Variants in ACSL3 observed in about 807,000 individuals in gnomAD.
The protein encoded by ACSL3 is acyl-CoA synthetase long chain family member 3.
A neutral mutation model predicts 84.7 loss-of-function variants in ACSL3; 34 were observed. The observed-to-expected ratio is 0.40, with a 90% CI of 0.31 to 0.53. ACSL3 has a LOEUF of 0.53. ACSL3 is among the 20% of genes least tolerant of loss of function. The probability of loss-of-function intolerance (pLI) is 0.48; values close to 1 mark genes in which losing one functional copy is unlikely to be tolerated. For synonymous variants in ACSL3, 315 were observed against 299.4 expected (o/e 1.05, Z -0.54); for missense variants, 680 against 873.1 (o/e 0.78, Z 2.79).
At chr2:222,918,270 T>C in intron 6 of ACSL3, 115 bp downstream of exon 6, 1 of 539,716 alleles carries the variant, frequency 1.9e-6, no homozygotes, top group Non-Finnish European at 3.2e-6. Flanking sequence ...CTTTGTGGAC[T>C]TTTATGAATA....
In ACSL3 at chr2:222,882,761, G is replaced by GTTTTTTT. The variant is rs71408540; in HGVS notation, c.-206-5056_-206-5050dup. On this transcript the variant is annotated intron_variant, in intron 1 of 16. Coordinates refer to ENST00000357430, the MANE Select transcript of ACSL3 (RefSeq NM_004457.5). ...TTGTCTGGAATACCTCCAGATCACT[G>GTTTTTTT]TTTTTTTTTTTTTTTTTTTGAAGAC... is the stretch of plus-strand genomic sequence containing the variant. Among the ~76,000 whole-genome samples the GTTTTTTT allele has an allele frequency of 7.3e-4, 88 of 119,962 alleles. 4 individuals are homozygous for GTTTTTTT. Among genetic ancestry groups the GTTTTTTT allele is most frequent in the Middle Eastern group, 4.9e-3 (1 of 204 alleles). The allele number at this position is 119,962 out of a possible 152,430, so 78.7% of individuals were successfully genotyped here.
chr2:222,866,440 T>G (rs4477904), intron 1 of ACSL3, among the ~76,000 whole-genome samples: 1 of 152,030 alleles, frequency 6.6e-6, no homozygotes, highest in Admixed American at 6.5e-5. Context: ...GCTACTGCGC[T>G]GACTGCAAAA....
intron 16 of ACSL3, among the ~76,000 whole-genome samples, chr2:222,938,447 A>C (rs182376566): frequency 6.6e-6 from 1 of 151,770 alleles, no homozygotes; most frequent in African/African-American, 2.4e-5. Flanking sequence ...TTGGTTGACA[A>C]TTTTTTTTCT....
At chr2:222,892,477 A>G (rs538251950) in intron 2 of ACSL3, among the ~76,000 whole-genome samples, 2 of 135,502 alleles carry the variant, frequency 1.5e-5, no homozygotes, top group African/African-American at 5.3e-5. Flanking sequence ...ACTTTCCATT[A>G]TAACTCTGAG....
At chr2:222,862,612 GC>G (rs1427863148) in intron 1 of ACSL3, among the ~76,000 whole-genome samples, 7 of 152,152 alleles carry the variant, frequency 4.6e-5, no homozygotes, top group Non-Finnish European at 7.4e-5. Context: ...TTGTTTTCTG[GC>G]ATTTTTCTGG....
chr2:222,896,437 T>C (rs1284132856), intron 2 of ACSL3, among the ~76,000 whole-genome samples: 11 of 4,140 alleles, frequency 2.7e-3, no homozygotes, highest in African/African-American at 3.9e-3. Flanking sequence ...TGACTCCCCC[T>C]CCCCCCTCCC....
In ACSL3 at chr2:222,930,611, A is replaced by C. The variant is rs779783632; in HGVS notation, c.1541-10A>C. 20 of 1,571,944 alleles carry C rather than the reference A, an allele frequency of 1.3e-5. No individual in the cohort carries two copies. The South Asian group carries it at 2.2e-4, about 18-fold the overall frequency. ...TAACTCAACTATTAACTCAATTATTATTTTATTAGGTGGATACTTTAATAC... is the reference window on the plus strand; with the variant it reads ...TAACTCAACTATTAACTCAATTATTCTTTTATTAGGTGGATACTTTAATAC... On this transcript the variant is annotated splice_polypyrimidine_tract_variant and intron_variant, in intron 13 of 16. Coordinates refer to ENST00000357430, the MANE Select transcript of ACSL3 (RefSeq NM_004457.5).
In ACSL3 at chr2:222,913,952, C is replaced by T. The variant is rs150479760; in HGVS notation, c.379-2367C>T. Among the ~76,000 whole-genome samples the T allele has an allele frequency of 4.6e-5, 7 of 152,226 alleles. 1 individual carries two copies. The East Asian group carries it at 1.4e-3, about 29-fold the overall frequency. On this transcript the variant is annotated intron_variant, in intron 4 of 16. Coordinates refer to ENST00000357430, the MANE Select transcript of ACSL3 (RefSeq NM_004457.5). ...TAAGCACTAATAAAGGTTAGTTACCCTCATTATCATTATCATGATTATTAC... is the reference window on the plus strand; with the variant it reads ...TAAGCACTAATAAAGGTTAGTTACCTTCATTATCATTATCATGATTATTAC...
chr2:222,905,447 C>G (rs1409262842), intron 3 of ACSL3, among the ~76,000 whole-genome samples: 2 of 152,196 alleles, frequency 1.3e-5, no homozygotes, highest in Admixed American at 6.5e-5. Context: ...AGGCATGAGC[C>G]ACCATGTCTG....
intron 2 of ACSL3, among the ~76,000 whole-genome samples, chr2:222,890,015 G>T (rs1695806494): frequency 6.6e-6 from 1 of 152,174 alleles, no homozygotes; most frequent in African/African-American, 2.4e-5. Context: ...AGTAATATTT[G>T]AATACAACAC....
rs749790374 is a variant in ACSL3, at chr2:222,927,038, A to G, written c.1314A>G (p.Arg438=). The G allele has an allele frequency of 6.2e-7, 1 of 1,613,060 alleles. No homozygotes were observed. Among genetic ancestry groups the G allele is most frequent in the Non-Finnish European group, 8.5e-7 (1 of 1,179,236 alleles). The change falls in exon 12 of 17, where the codon CGA becomes CGG. Residue 438 remains arginine, a synonymous_variant. Coordinates refer to ENST00000357430, the MANE Select transcript of ACSL3 (RefSeq NM_004457.5). The part of the protein sequence containing the change: ...LCDSFVFRKV[R]SLLGGNIRLL... ...TTAGCTTTGTTTTCCGGAAAGTTCG[A>G]AGCTTGCTAGGGGGAAATATTCGTC... is the stretch of plus-strand genomic sequence containing the variant.
At chr2:222,919,613 G>A (rs1696677703) in intron 7 of ACSL3, among the ~76,000 whole-genome samples, 1 of 152,030 alleles carries the variant, frequency 6.6e-6, no homozygotes, top group African/African-American at 2.4e-5. Flanking sequence ...CTTTCCTGAG[G>A]TGAAAACCTT....
intron 16 of ACSL3, among the ~76,000 whole-genome samples, chr2:222,937,581 C>T (rs1039311592): frequency 1.5e-4 from 23 of 151,978 alleles, no homozygotes; most frequent in Non-Finnish European, 4.4e-5. Context: ...TCTATTGTGA[C>T]AATTTTTGTC....
chr2:222,932,073 A>G (rs948402686), intron 14 of ACSL3, among the ~76,000 whole-genome samples: 11 of 152,208 alleles, frequency 7.2e-5, no homozygotes, highest in Admixed American at 6.5e-4. Context: ...CCCTCAGCTC[A>G]GGCCTCACTT....
chr2:222,890,472 C>T (rs1449133299), intron 2 of ACSL3, among the ~76,000 whole-genome samples: 1 of 152,152 alleles, frequency 6.6e-6, no homozygotes, highest in East Asian at 1.9e-4. Context: ...TTAAACATAA[C>T]CGGAAGAGCT....
intron 16 of ACSL3, among the ~76,000 whole-genome samples, chr2:222,938,318 C>T (rs897954006): frequency 6.6e-6 from 1 of 152,088 alleles, no homozygotes; most frequent in Non-Finnish European, 1.5e-5. Context: ...ACTTGAAGTA[C>T]TCCTATCATT....
chr2:222,875,632 C>T (rs1173437969), intron 1 of ACSL3, among the ~76,000 whole-genome samples: 1 of 152,118 alleles, frequency 6.6e-6, no homozygotes, highest in African/African-American at 2.4e-5. Flanking sequence ...ATTGGTGAGG[C>T]TTCTTTCCTC....
At chr2:222,866,355 C>T (rs1695139816) in intron 1 of ACSL3, among the ~76,000 whole-genome samples, 1 of 152,178 alleles carries the variant, frequency 6.6e-6, no homozygotes, top group Non-Finnish European at 1.5e-5. Flanking sequence ...CCATGTTAGT[C>T]AGGATGGTCT....
chr2:222,928,941 TAAAC>T lies in ACSL3; in HGVS notation c.1540+6_1540+9del. 4 of 1,608,088 alleles carry T rather than the reference TAAAC, an allele frequency of 2.5e-6. No homozygotes were observed. Among genetic ancestry groups the T allele is most frequent in the Non-Finnish European group, 3.4e-6 (4 of 1,175,088 alleles). ...AATTAAAAAACTGGGAGGAAGGTAA[TAAAC>T]TATTTTAACCACAGAGCATTAATTT... On this transcript the variant is annotated splice_donor_region_variant and intron_variant, in intron 13 of 16. Transcript: ENST00000357430.
Sources: allele counts gnomAD v4.1 joint callset (sites outside exome capture counted in the v4.1 genomes callset), GRCh38; gene constraint gnomAD v4.1.1; transcripts MANE v1.5; gene names NCBI Gene and HGNC (gene_info 2026-07-23, HGNC 2026-07-21).